Variants in BNC2 observed in about 807,000 individuals in gnomAD.
BNC2 encodes zinc finger protein basonuclin-2.
A neutral mutation model predicts 76.3 loss-of-function variants in BNC2; 20 were observed. That is an observed-to-expected ratio of 0.26 (90% CI 0.18 to 0.38). BNC2 has a LOEUF of 0.38. Ranked by LOEUF, BNC2 falls within the 10% of genes least tolerant of loss-of-function variation. The pLI is 1.00. For synonymous variants in BNC2, 582 were observed against 514.8 expected, an observed-to-expected ratio of 1.13 and a Z score of -1.77; for missense variants, 1,382 against 1,399.8, an observed-to-expected ratio of 0.99 and a Z score of 0.20.
At chr9:16,676,000 G>T (rs1320603012) in intron 3 of BNC2, among the ~76,000 whole-genome samples, 5 of 152,136 alleles carry the variant, frequency 3.3e-5, no homozygotes, top group Admixed American at 6.5e-5. Context: ...GGGAGGCAGA[G>T]ATTGCAGTGA....
At chr9:16,716,217 G>GAT (rs1823991447) in intron 3 of BNC2, among the ~76,000 whole-genome samples, 1 of 152,134 alleles carries the variant, frequency 6.6e-6, no homozygotes, top group African/African-American at 2.4e-5. Flanking sequence ...ATGAAAATAG[G>GAT]ATATGTCTTC....
At chr9:16,526,243 G>A (rs1817795925) in intron 5 of BNC2, among the ~76,000 whole-genome samples, 2 of 151,914 alleles carry the variant, frequency 1.3e-5, no homozygotes, top group Non-Finnish European at 2.9e-5. Flanking sequence ...CATCTGTGTG[G>A]CAAAGAATAT....
chr9:16,524,239 G>A (rs1020958106), intron 5 of BNC2, among the ~76,000 whole-genome samples: 4 of 152,210 alleles, frequency 2.6e-5, no homozygotes, highest in African/African-American at 9.6e-5. Flanking sequence ...GTTAATGACT[G>A]ATGAAACTGT....
chr9:16,584,943 A>G (rs1338970306), intron 3 of BNC2, among the ~76,000 whole-genome samples: 2 of 152,164 alleles, frequency 1.3e-5, no homozygotes, highest in Non-Finnish European at 2.9e-5. Context: ...TTGAAGTGCA[A>G]TAATAAAAGC....
At chr9:16,481,989 G>T (rs1164783038) in intron 5 of BNC2, among the ~76,000 whole-genome samples, 1 of 152,124 alleles carries the variant, frequency 6.6e-6, no homozygotes, top group Non-Finnish European at 1.5e-5. Flanking sequence ...GAGCTCCAAA[G>T]TATGTGTAAT....
intron 3 of BNC2, among the ~76,000 whole-genome samples, chr9:16,675,413 C>G (rs1464180018): frequency 6.6e-6 from 1 of 152,012 alleles, no homozygotes; most frequent in Non-Finnish European, 1.5e-5. Flanking sequence ...GTCACCACAC[C>G]CAGCTAATTT....
At position 16,769,039 on chromosome 9, in the gene BNC2, G is replaced by A. The variant is rs573634520; in HGVS notation, c.4-30554C>T. On this transcript the variant is annotated intron_variant, in intron 1 of 6. Coordinates refer to ENST00000380672, the MANE Select transcript of BNC2 (RefSeq NM_017637.6). ...CAGAGACCTGAAATGGGGAACAATGGAAGAGGATTAGGCAACATAAAAGAA... is the reference window on the plus strand; with the variant it reads ...CAGAGACCTGAAATGGGGAACAATGAAAGAGGATTAGGCAACATAAAAGAA... 1.2e-4 allele frequency among the ~76,000 whole-genome samples: 18 copies of A among 152,300 alleles called. 1 individual carries two copies. The South Asian group carries it at 3.1e-3, about 26-fold the overall frequency.
intron 3 of BNC2, among the ~76,000 whole-genome samples, chr9:16,654,684 A>G (rs1306101608): frequency 6.6e-6 from 1 of 152,110 alleles, no homozygotes; most frequent in Non-Finnish European, 1.5e-5. Flanking sequence ...TTTATACTAG[A>G]TCTGTTCTTT....
At chr9:16,767,965 A>ATTTTT (rs764469661) in intron 1 of BNC2, among the ~76,000 whole-genome samples, 1 of 138,768 alleles carries the variant, frequency 7.2e-6, no homozygotes, top group Non-Finnish European at 1.6e-5. Flanking sequence ...AGGTTATGCA[A>ATTTTT]TTTTTTTTTT....
chr9:16,443,546 A>C (rs1821172362), intron 5 of BNC2, among the ~76,000 whole-genome samples: 1 of 152,158 alleles, frequency 6.6e-6, no homozygotes, highest in Non-Finnish European at 1.5e-5. Flanking sequence ...TGAATTAAAA[A>C]TTGATGAAAC....
intron 1 of BNC2, among the ~76,000 whole-genome samples, chr9:16,759,720 A>C (rs1293584705): frequency 8.6e-6 from 1 of 116,762 alleles, no homozygotes; most frequent in Admixed American, 1.2e-4. Flanking sequence ...TTGGAGACAT[A>C]AACTATTTTT....
chr9:16,813,065 C>T (rs1253080627), intron 1 of BNC2, among the ~76,000 whole-genome samples: 1 of 151,818 alleles, frequency 6.6e-6, no homozygotes. Context: ...AAAAATTAGC[C>T]GGGCGTGGTG....
intron 5 of BNC2, among the ~76,000 whole-genome samples, chr9:16,459,867 G>C (rs933531488): frequency 3.9e-5 from 6 of 152,154 alleles, no homozygotes; most frequent in Non-Finnish European, 8.8e-5. Flanking sequence ...AGATTGCACA[G>C]ACTTCCTATG....
At chr9:16,729,185 G>A (rs906619601) in intron 2 of BNC2, among the ~76,000 whole-genome samples, 20 of 152,262 alleles carry the variant, frequency 1.3e-4, no homozygotes, top group African/African-American at 4.8e-4. Flanking sequence ...TGGAAAAGCA[G>A]CACTGAACAA....
intron 1 of BNC2, chr9:16,867,347 G>A (rs1819567609): frequency 6.6e-6 from 1 of 152,002 alleles, no homozygotes; most frequent in East Asian, 1.9e-4. Flanking sequence ...CTTTTTTATT[G>A]TTTAATCTTA....
chr9:16,684,757 CTTA>C (rs1198181404), intron 3 of BNC2, among the ~76,000 whole-genome samples: 1 of 151,976 alleles, frequency 6.6e-6, no homozygotes, highest in Non-Finnish European at 1.5e-5. Flanking sequence ...ACACACATTC[CTTA>C]AATATTATTA....
chr9:16,743,455 G>C (rs60906399), intron 1 of BNC2, among the ~76,000 whole-genome samples: 6,583 of 152,186 alleles, frequency 0.043, 488 homozygotes, highest in African/African-American at 0.15. Flanking sequence ...CTTCAAAAAG[G>C]AATTTCTTCA....
At chr9:16,776,984 G>A (rs1329811349) in intron 1 of BNC2, among the ~76,000 whole-genome samples, 1 of 151,946 alleles carries the variant, frequency 6.6e-6, no homozygotes, top group Non-Finnish European at 1.5e-5. Context: ...AAATTAGCTG[G>A]GCATGGTGGC....
intron 1 of BNC2, among the ~76,000 whole-genome samples, chr9:16,852,165 GCT>G (rs1197800217): frequency 6.6e-6 from 1 of 151,972 alleles, no homozygotes; most frequent in Non-Finnish European, 1.5e-5. Flanking sequence ...TCCAGATCAT[GCT>G]CTATCCAGTC....
Sources: allele counts gnomAD v4.1 joint callset (sites outside exome capture counted in the v4.1 genomes callset), GRCh38; gene constraint gnomAD v4.1.1; transcripts MANE v1.5; gene names NCBI Gene and HGNC (gene_info 2026-07-23, HGNC 2026-07-21).